Variants in BCL11B observed in about 807,000 individuals in gnomAD.
BCL11B encodes the protein B-cell lymphoma/leukemia 11B.
Under a neutral mutation model 49.9 loss-of-function variants are expected in BCL11B, and 8 were observed. That is an observed-to-expected ratio of 0.16 (90% CI 0.09 to 0.29). BCL11B has a LOEUF of 0.29. Among genes scored for constraint, BCL11B ranks in the 10% least tolerant of loss-of-function variants. The pLI, the probability that BCL11B is intolerant of heterozygous loss-of-function variation, is 1.00. For missense variants in BCL11B, 1,006 were observed against 1,351.0 expected, an observed-to-expected ratio of 0.74 and a Z score of 4.00; for synonymous variants, 739 against 637.4, an observed-to-expected ratio of 1.16 and a Z score of -2.40.
At chr14:99,198,374 A>G (rs2139812361) in intron 3 of BCL11B, among the ~76,000 whole-genome samples, 1 of 152,342 alleles carries the variant, frequency 6.6e-6, no homozygotes, top group South Asian at 2.1e-4. Context: ...CTCTTGCTGT[A>G]TACAGTTCAA....
chr14:99,239,072 G>A (rs1595275352), intron 2 of BCL11B, among the ~76,000 whole-genome samples: 1 of 152,168 alleles, frequency 6.6e-6, no homozygotes, highest in East Asian at 1.9e-4. Context: ...CATCCAACCA[G>A]AGTCCACAGA....
chr14:99,231,309 C>T lies in BCL11B; in HGVS notation c.640+36G>A, dbSNP rs564865160. On this transcript the variant is annotated intron_variant, in intron 3 of 3. Coordinates refer to ENST00000357195, the MANE Select transcript of BCL11B (RefSeq NM_138576.4). This position sits in a 1 kb window ranked among gnomAD's most constrained non-coding sequence, Gnocchi z 8.1. ...CTGCCCATGGCACACCCCGCCATCC[C>T]GGGGGCCCGCCCCCCACCGCGGCGT... 4.7e-5 allele frequency: 75 copies of T among 1,595,582 alleles called. No individual in the cohort carries two copies. The highest frequency in any genetic ancestry group is 8.1e-5 in the African/African-American group (6 of 74,532).
chr14:99,268,664 C>T lies in BCL11B; in HGVS notation c.58+2497G>A, dbSNP rs1017803293. 3.6e-4 allele frequency among the ~76,000 whole-genome samples: 55 copies of T among 152,058 alleles called. 1 individual carries two copies. Among genetic ancestry groups the T allele is most frequent in the Non-Finnish European group, 2.1e-4 (14 of 68,028 alleles). On this transcript the variant is annotated intron_variant, in intron 1 of 3. Coordinates refer to ENST00000357195, the MANE Select transcript of BCL11B (RefSeq NM_138576.4). ...TCCCTCCCAGGTGACACAGGACAGA[C>T]GAAAAGCCAGCTGCTTTTGGATAAT...
In BCL11B at chr14:99,228,530, C is replaced by T. The variant is rs1450128194; in HGVS notation, c.640+2815G>A. Among the ~76,000 whole-genome samples the T allele has an allele frequency of 6.6e-6, 1 of 152,224 alleles. No individual in the cohort carries two copies. The highest frequency in any genetic ancestry group is 2.4e-5 in the African/African-American group (1 of 41,468). ...CCTGGAGCAGTCCTAGGGGCTCAGC[C>T]TCCTGCAGTCCCAGCCCCAGGAACA... On this transcript the variant is annotated intron_variant, in intron 3 of 3. Coordinates refer to ENST00000357195, the MANE Select transcript of BCL11B (RefSeq NM_138576.4). The surrounding 1 kb of genome is among the most constrained non-coding windows in gnomAD (Gnocchi z 4.8).
intron 3 of BCL11B, among the ~76,000 whole-genome samples, chr14:99,204,784 C>T (rs1362718887): frequency 6.6e-6 from 1 of 152,264 alleles, no homozygotes; most frequent in Non-Finnish European, 1.5e-5. Flanking sequence ...CAAAATCGAA[C>T]AGCAGCATCT....
intron 3 of BCL11B, among the ~76,000 whole-genome samples, chr14:99,209,301 C>T (rs1595248001): frequency 1.3e-5 from 2 of 152,182 alleles, no homozygotes; most frequent in East Asian, 1.9e-4. Flanking sequence ...TCCTACTGGA[C>T]CCCAAAACTC....
rs993290747 is a variant in BCL11B, at chr14:99,173,641, A to G, written c.*510T>C. On this transcript the variant is annotated 3_prime_UTR_variant, in exon 4 of 4. Transcript: ENST00000357195. ...AAAAAAGGAAGGAATGAAAAAGTAA[A>G]CAACTTTAAAAGTCATTTGAGTGTT... 6 of 221,882 alleles carry G rather than the reference A, an allele frequency of 2.7e-5. No homozygotes were observed. Among genetic ancestry groups the G allele is most frequent in the African/African-American group, 1.3e-4 (6 of 44,762 alleles). The allele number at this position is 221,882 out of a possible 1,614,324, so 13.7% of individuals were successfully genotyped here.
chr14:99,172,195 C>T lies in BCL11B; in HGVS notation c.*1956G>A, dbSNP rs1339868682. ...CCTGAATTGTTTTTGTTTTGCTTTTCATTCAACGATATCAACTTGTAACTT... is the reference window on the plus strand; with the variant it reads ...CCTGAATTGTTTTTGTTTTGCTTTTTATTCAACGATATCAACTTGTAACTT... On this transcript the variant is annotated 3_prime_UTR_variant, in exon 4 of 4. Transcript: ENST00000357195. 4 of 223,738 alleles carry T rather than the reference C, an allele frequency of 1.8e-5. No homozygotes were observed. Among genetic ancestry groups the T allele is most frequent in the Middle Eastern group, 1.4e-3 (1 of 728 alleles). 13.9% of individuals were successfully genotyped at this position (223,738 alleles called of 1,614,324 possible).
At chr14:99,246,128 T>C (rs975073762) in intron 2 of BCL11B, among the ~76,000 whole-genome samples, 5 of 149,490 alleles carry the variant, frequency 3.3e-5, no homozygotes, top group African/African-American at 4.9e-5. Flanking sequence ...AAGCTAGCCC[T>C]TCGACTCGCC....
intron 3 of BCL11B, among the ~76,000 whole-genome samples, chr14:99,188,693 T>C (rs1360442760): frequency 6.6e-6 from 1 of 152,118 alleles, no homozygotes; most frequent in Non-Finnish European, 1.5e-5. Flanking sequence ...AGGGTGTGAA[T>C]TTCCTCTGCC....
At position 99,205,104 on chromosome 14, in the gene BCL11B, A is replaced by G. The variant is rs1595244188; in HGVS notation, c.640+26241T>C. On this transcript the variant is annotated intron_variant, in intron 3 of 3. Coordinates refer to ENST00000357195, the MANE Select transcript of BCL11B (RefSeq NM_138576.4). This position sits in a 1 kb window ranked among gnomAD's most constrained non-coding sequence, Gnocchi z 5.0. ...TTACATTACTTTGAAAGGGAGCATA[A>G]TATGATCCTTCCTTAATGGAAGCAG... Among the ~76,000 whole-genome samples, 1 of 152,116 alleles carries G rather than the reference A, an allele frequency of 6.6e-6. No homozygotes were observed. Among genetic ancestry groups the G allele is most frequent in the Non-Finnish European group, 1.5e-5 (1 of 68,020 alleles).
In BCL11B at chr14:99,271,696, T is replaced by TG. The variant is rs1889695480; in HGVS notation, c.-479dup. The stretch of plus-strand genomic sequence containing the variant: ...GCTCCTGACACTTTCTTTCAGGGTC[T>TG]GGTAGGTGGAAAGCGCACTTCTACC... On this transcript the variant is annotated 5_prime_UTR_variant, in exon 1 of 4. Transcript: ENST00000357195. Among the ~76,000 whole-genome samples the TG allele has an allele frequency of 6.6e-6, 1 of 151,688 alleles. No individual in the cohort carries two copies. Among genetic ancestry groups the TG allele is most frequent in the African/African-American group, 2.4e-5 (1 of 41,258 alleles).
chr14:99,225,920 C>G (rs773283467), intron 3 of BCL11B, among the ~76,000 whole-genome samples: 38 of 152,336 alleles, frequency 2.5e-4, no homozygotes, highest in Non-Finnish European at 4.9e-4. Context: ...GGGGGGCTTG[C>G]AGCTCTCCAT....
At position 99,175,953 on chromosome 14, in the gene BCL11B, T is replaced by C; in HGVS notation, c.883A>G (p.Thr295Ala). 6.8e-7 allele frequency: 1 copy of C among 1,466,244 alleles called. No individual in the cohort carries two copies. Among genetic ancestry groups the C allele is most frequent in the East Asian group, 2.6e-5 (1 of 39,024 alleles). 90.8% of individuals were successfully genotyped at this position (1,466,244 alleles called of 1,614,324 possible). A position where few individuals can be genotyped will look rare whatever the true frequency, so the allele number is the denominator to read the frequency against. Reference sequence around the variant, plus strand: ...GGGTGGTCCCGCAGGATGGGGCCCGTCATGCGCAGCAGGTTGAAGGGGTTG... The same window carrying C: ...GGGTGGTCCCGCAGGATGGGGCCCGCCATGCGCAGCAGGTTGAAGGGGTTG... Reference protein sequence around the residue: ...DSNPFNLLRMTGPILRDHPGF... With the variant: ...DSNPFNLLRMAGPILRDHPGF... Residue 295 changes from threonine (T) to alanine (A), a missense_variant, in exon 4 of 4, where the codon ACG (threonine) becomes GCG (alanine). Around this residue, in one of 6 missense-constraint regions of BCL11B, gnomAD observed 411 missense variants for 542.2 expected, o/e 0.76. Transcript: ENST00000357195.
chr14:99,181,909 C>T (rs1052713308), intron 3 of BCL11B, among the ~76,000 whole-genome samples: 1 of 152,172 alleles, frequency 6.6e-6, no homozygotes, highest in South Asian at 2.1e-4. Context: ...CTAAAGATGC[C>T]GTCTCCACAG....
chr14:99,174,101 G>A lies in BCL11B; in HGVS notation c.*50C>T, dbSNP rs1351244067. 3.8e-6 allele frequency: 6 copies of A among 1,567,700 alleles called. No individual in the cohort carries two copies. Among genetic ancestry groups the A allele is most frequent in the South Asian group, 3.4e-5 (3 of 88,938 alleles). On this transcript the variant is annotated 3_prime_UTR_variant, in exon 4 of 4. Transcript: ENST00000357195. Reference sequence around the variant, plus strand: ...AGGCAAGTCAGGTCAGCATTCTCTCGGTTGGCAACGGTTCCACTGTACAGG... The same window carrying A: ...AGGCAAGTCAGGTCAGCATTCTCTCAGTTGGCAACGGTTCCACTGTACAGG...
chr14:99,222,238 AT>A (rs1888030756), intron 3 of BCL11B, among the ~76,000 whole-genome samples: 1 of 140,608 alleles, frequency 7.1e-6, no homozygotes, highest in African/African-American at 2.7e-5. Context: ...AAGGGCTATT[AT>A]TTCTTTCGCT....
intron 3 of BCL11B, among the ~76,000 whole-genome samples, chr14:99,210,696 G>T (rs1887661952): frequency 6.6e-6 from 1 of 152,184 alleles, no homozygotes; most frequent in Non-Finnish European, 1.5e-5. Context: ...TTGAAGGTAG[G>T]GCTTCCCACT....
chr14:99,272,103 C>G lies in BCL11B; in HGVS notation c.-885G>C, dbSNP rs1889707553. ...GCGGAGGGGCGGCTCGCCCAGTGCG[C>G]CTGGGTCGGTGCGGGCGCAGACTGG... On this transcript the variant is annotated 5_prime_UTR_variant, in exon 1 of 4. Coordinates refer to ENST00000357195, the MANE Select transcript of BCL11B (RefSeq NM_138576.4). This position sits in a 1 kb window ranked among gnomAD's most constrained non-coding sequence, Gnocchi z 6.0. Among the ~76,000 whole-genome samples the G allele has an allele frequency of 6.6e-6, 1 of 151,958 alleles. No individual in the cohort carries two copies. The highest frequency in any genetic ancestry group is 2.1e-4 in the South Asian group (1 of 4,812).
Sources: gnomAD v4.1 joint callset for allele counts (sites outside exome capture counted in the v4.1 genomes callset) on GRCh38, gnomAD v4.1.1 for gene constraint, gnomAD v4.1.1 regional missense constraint, Gnocchi (gnomAD v3.1) non-coding constraint, MANE v1.5 for transcripts, NCBI Gene and HGNC (gene_info 2026-07-23, HGNC 2026-07-21) for gene names.